The following SIRPG variants were observed in gnomAD, a reference collection of about 807,000 sequenced individuals.
SIRPG encodes the protein signal-regulatory protein gamma.
In SIRPG, 38 loss-of-function variants were observed where a neutral mutation model predicts 35.7. The observed-to-expected ratio is 1.06, with a 90% CI of 0.82 to 1.40. SIRPG has a LOEUF of 1.40. Ranked by LOEUF, SIRPG falls within the 40% of genes most tolerant of loss-of-function variation. The pLI, the probability that SIRPG is intolerant of heterozygous loss-of-function variation, is 0.00. For synonymous variants in SIRPG, 215 were observed against 190.4 expected (o/e 1.13, Z -1.06); for missense variants, 519 against 483.0 (o/e 1.07, Z -0.70).
chr20:1,671,914 C>G, the SIRPG span, among the ~76,000 whole-genome samples: 12 of 152,264 alleles, frequency 7.9e-5, no homozygotes, highest in African/African-American at 2.9e-4. Flanking sequence ...AACCCACAAC[C>G]GTCTGGAGTG....
At chr20:1,658,174 A>G (rs1346242720), upstream of SIRPG, among the ~76,000 whole-genome samples, 1 of 152,202 alleles carries the variant, frequency 6.6e-6, no homozygotes, top group Admixed American at 6.5e-5. Flanking sequence ...ACGTAGGAGA[A>G]GAGTTCACAG....
intron 2 of SIRPG, among the ~76,000 whole-genome samples, chr20:1,638,917 A>C (rs2091827206): frequency 6.6e-6 from 1 of 152,150 alleles, no homozygotes; most frequent in Non-Finnish European, 1.5e-5. Context: ...AATGGCTTCC[A>C]GCTTCATCCA....
chr20:1,649,188 G>A lies in SIRPG; in HGVS notation c.294C>T (p.Asn98=). The part of the protein sequence containing the change: ...VTTVSDLTKR[N]NMDFSIRISS... The stretch of plus-strand genomic sequence containing the variant: ...TGATGCGGATGGAAAAGTCCATGTT[G>A]TTTCTCTTTGTGAGGTCTGAAACTG... Residue 98 remains asparagine, a synonymous_variant, in exon 2 of 6, where the codon AAC becomes AAT. Coordinates refer to ENST00000303415, the MANE Select transcript of SIRPG (RefSeq NM_018556.4). 4 of 1,614,132 alleles carry A rather than the reference G, an allele frequency of 2.5e-6. No individual in the cohort carries two copies. The highest frequency in any genetic ancestry group is 3.4e-6 in the Non-Finnish European group (4 of 1,180,036).
the SIRPG span, among the ~76,000 whole-genome samples, chr20:1,667,242 G>A: frequency 2.0e-5 from 3 of 152,228 alleles, no homozygotes; most frequent in South Asian, 4.1e-4. Context: ...AATTGCCTAC[G>A]GTATTCAGTA....
the SIRPG span, among the ~76,000 whole-genome samples, chr20:1,665,067 C>T: frequency 1.3e-5 from 2 of 152,178 alleles, no homozygotes; most frequent in Admixed American, 1.3e-4. Context: ...TTTGAACAGC[C>T]TTGCTGTAAC....
chr20:1,657,917 C>A, upstream of SIRPG: 1 of 522,486 alleles, frequency 1.9e-6, no homozygotes. Context: ...TAATCGTGCT[C>A]CATTTTCAGG....
intron 4 of SIRPG, among the ~76,000 whole-genome samples, chr20:1,633,267 A>C (rs563887011): frequency 5.3e-4 from 80 of 152,312 alleles, no homozygotes; most frequent in Non-Finnish European, 4.4e-5. Flanking sequence ...AAACACCCCC[A>C]AAAATTCTTG....
At chr20:1,667,895 C>T in the SIRPG span, among the ~76,000 whole-genome samples, 3 of 152,150 alleles carry the variant, frequency 2.0e-5, no homozygotes, top group Non-Finnish European at 4.4e-5. Context: ...AATTAGAATG[C>T]CAATGCTGAG....
intron 1 of SIRPG, among the ~76,000 whole-genome samples, chr20:1,652,260 G>A (rs1228103058): frequency 2.0e-5 from 3 of 152,178 alleles, no homozygotes; most frequent in Non-Finnish European, 2.9e-5. Flanking sequence ...GATCTAGGGG[G>A]AATATTTCCT....
At chr20:1,652,262 A>G (rs914286131) in intron 1 of SIRPG, among the ~76,000 whole-genome samples, 4 of 152,220 alleles carry the variant, frequency 2.6e-5, no homozygotes, top group African/African-American at 9.6e-5. Context: ...TCTAGGGGGA[A>G]TATTTCCTGT....
chr20:1,679,840 T>A, the SIRPG span, among the ~76,000 whole-genome samples: 1 of 139,898 alleles, frequency 7.1e-6, no homozygotes, highest in East Asian at 3.1e-4. Context: ...GCTCAACCAT[T>A]TGGGAGATGC....
intron 4 of SIRPG, among the ~76,000 whole-genome samples, chr20:1,631,867 G>A (rs2091753366): frequency 6.6e-6 from 1 of 152,128 alleles, no homozygotes; most frequent in African/African-American, 2.4e-5. Flanking sequence ...CTATCACTGG[G>A]CATATTTTTT....
At chr20:1,655,513 G>T (rs558123237) in intron 1 of SIRPG, among the ~76,000 whole-genome samples, 76 of 152,024 alleles carry the variant, frequency 5.0e-4, no homozygotes, top group African/African-American at 1.8e-3. Flanking sequence ...TGTTTATCGG[G>T]GGCTAGAGAG....
the SIRPG span, among the ~76,000 whole-genome samples, chr20:1,671,564 G>C: frequency 6.6e-6 from 1 of 152,198 alleles, no homozygotes; most frequent in African/African-American, 2.4e-5. Flanking sequence ...AGCGGCGCTA[G>C]AGGAATTAAA....
upstream of SIRPG, among the ~76,000 whole-genome samples, chr20:1,659,823 T>A (rs575762369): frequency 3.9e-5 from 6 of 152,258 alleles, no homozygotes; most frequent in African/African-American, 1.2e-4. Context: ...GCAGCCCTCA[T>A]AGTGAGGCTG....
the SIRPG span, among the ~76,000 whole-genome samples, chr20:1,685,880 C>G: frequency 1.3e-5 from 2 of 152,096 alleles, no homozygotes; most frequent in Non-Finnish European, 2.9e-5. Context: ...AGCCACACAC[C>G]CTGTCAGGCT....
chr20:1,666,899 G>C, the SIRPG span, among the ~76,000 whole-genome samples: 3 of 151,752 alleles, frequency 2.0e-5, no homozygotes, highest in African/African-American at 7.3e-5. Flanking sequence ...TTAATGTTTA[G>C]AAATGTTTAT....
At chr20:1,671,729 C>A in the SIRPG span, among the ~76,000 whole-genome samples, 1 of 152,158 alleles carries the variant, frequency 6.6e-6, no homozygotes, top group African/African-American at 2.4e-5. Context: ...TAAAAGTATT[C>A]CTTATGGGAA....
chr20:1,635,108 A>G (rs2091785148), intron 4 of SIRPG, among the ~76,000 whole-genome samples, 159 bp downstream of exon 4: 1 of 152,142 alleles, frequency 6.6e-6, no homozygotes, highest in African/African-American at 2.4e-5. Context: ...TCAAATTCTT[A>G]CTAGTCATGA....
Sources: gnomAD v4.1 joint callset for allele counts (sites outside exome capture counted in the v4.1 genomes callset) on GRCh38, gnomAD v4.1.1 for gene constraint, MANE v1.5 for transcripts, NCBI Gene and HGNC (gene_info 2026-07-23, HGNC 2026-07-21) for gene names.